Variants in TAF12 observed in about 807,000 individuals in gnomAD.
TAF12 encodes the protein transcription initiation factor TFIID subunit 12.
A neutral mutation model predicts 20.8 loss-of-function variants in TAF12; 3 were observed. The observed-to-expected ratio is 0.14, with a 90% CI of 0.07 to 0.37. The LOEUF (loss-of-function observed/expected upper bound fraction) is 0.37, where lower values mean the gene tolerates loss of function less well. TAF12 is among the 10% of genes least tolerant of loss of function. The pLI is 1.00. For synonymous variants in TAF12, 69 were observed against 70.2 expected (o/e 0.98, Z 0.09); for missense variants, 131 against 197.9 (o/e 0.66, Z 2.03).
intron 1 of TAF12, among the ~76,000 whole-genome samples, chr1:28,634,431 A>C (rs1325359220): frequency 6.6e-6 from 1 of 151,486 alleles, no homozygotes; most frequent in Admixed American, 6.6e-5. Flanking sequence ...AAAAAAAAAA[A>C]AAAAACCCCA....
At chr1:28,626,703 G>A (rs1341186472) in intron 1 of TAF12, among the ~76,000 whole-genome samples, 1 of 151,930 alleles carries the variant, frequency 6.6e-6, no homozygotes, top group Non-Finnish European at 1.5e-5. Flanking sequence ...GAGATCAGGA[G>A]TTCGAGACCG....
At chr1:28,606,832 C>T (rs1666683935) in intron 4 of TAF12, among the ~76,000 whole-genome samples, 1 of 152,206 alleles carries the variant, frequency 6.6e-6, no homozygotes, top group South Asian at 2.1e-4. Context: ...GACGCTGGCT[C>T]CCAGTTTCTT....
upstream of TAF12, chr1:28,643,140 G>C (rs1668096607): frequency 1.0e-6 from 1 of 984,626 alleles, no homozygotes; most frequent in Non-Finnish European, 1.2e-6. Flanking sequence ...CTTCCGGCCG[G>C]CGGGCGCGCG....
chr1:28,631,435 G>C (rs1351329171), intron 1 of TAF12, among the ~76,000 whole-genome samples: 1 of 152,032 alleles, frequency 6.6e-6, no homozygotes, highest in Non-Finnish European at 1.5e-5. Context: ...TGAGGCAGGA[G>C]AATCACCGAA....
At chr1:28,611,263 G>A (rs1215943319) in intron 4 of TAF12, among the ~76,000 whole-genome samples, 3 of 149,304 alleles carry the variant, frequency 2.0e-5, no homozygotes, top group African/African-American at 7.3e-5. Context: ...AGCAGAATGG[G>A]AGGGTTGGGA....
At chr1:28,614,271 A>T (rs192284599) in intron 3 of TAF12, among the ~76,000 whole-genome samples, 1 of 151,712 alleles carries the variant, frequency 6.6e-6, no homozygotes, top group African/African-American at 2.4e-5. Context: ...AAATAATAAC[A>T]AATAAATAGA....
chr1:28,642,422 C>T (rs895501113), intron 1 of TAF12, among the ~76,000 whole-genome samples: 1 of 152,126 alleles, frequency 6.6e-6, no homozygotes, highest in African/African-American at 2.4e-5. Flanking sequence ...TACTCACAGC[C>T]CTGTTCCGAG....
intron 3 of TAF12, among the ~76,000 whole-genome samples, chr1:28,617,049 G>A (rs954608752): frequency 6.6e-6 from 1 of 152,152 alleles, no homozygotes; most frequent in African/African-American, 2.4e-5. Flanking sequence ...GAACCCAGGA[G>A]GCGGAGGTTG....
intron 1 of TAF12, chr1:28,642,669 T>C: frequency 3.0e-6 from 3 of 985,560 alleles, no homozygotes; most frequent in Non-Finnish European, 3.6e-6. Flanking sequence ...CCGGAGCCTG[T>C]GTCTTCACGC....
At chr1:28,638,491 A>ATTTT (rs140717375) in intron 1 of TAF12, among the ~76,000 whole-genome samples, 5 of 95,274 alleles carry the variant, frequency 5.2e-5, no homozygotes, top group African/African-American at 1.2e-4. Flanking sequence ...GCCCGGCCTA[A>ATTTT]TTTTTTTTTT....
Position 28,604,500 on chromosome 1 carries a change from C to T in TAF12, c.450+872G>A, listed in dbSNP as rs182607272. On this transcript the variant is annotated intron_variant, in intron 5 of 5. Transcript: ENST00000373824. ...CAAATACCAATATTATGGCATTTGT[C>T]GACTAAATAAATAGGGCTGAAAATG... 4.5e-3 allele frequency among the ~76,000 whole-genome samples: 683 copies of T among 152,214 alleles called. 3 individuals are homozygous for T. The highest frequency in any genetic ancestry group is 6.4e-3 in the Non-Finnish European group (436 of 68,010).
At chr1:28,629,105 C>T (rs1667534320) in intron 1 of TAF12, among the ~76,000 whole-genome samples, 1 of 152,106 alleles carries the variant, frequency 6.6e-6, no homozygotes, top group Non-Finnish European at 1.5e-5. Context: ...CATACACAGA[C>T]ATACAGTTGT....
chr1:28,608,655 T>C (rs1410627868), intron 4 of TAF12, among the ~76,000 whole-genome samples: 2 of 150,980 alleles, frequency 1.3e-5, no homozygotes, highest in African/African-American at 4.9e-5. Context: ...ATCGGGAGGC[T>C]GAAGCAGGAG....
chr1:28,605,132 C>G (rs561020030), intron 5 of TAF12, among the ~76,000 whole-genome samples: 6 of 152,160 alleles, frequency 3.9e-5, no homozygotes, highest in Non-Finnish European at 5.9e-5. Context: ...TTAAGTGACA[C>G]TCAACAGAGT....
In TAF12 at chr1:28,633,441, TACA is replaced by T. The variant is rs1332384453; in HGVS notation, c.-85+9548_-85+9550del. Among the ~76,000 whole-genome samples, 49 of 150,116 alleles carry T rather than the reference TACA, an allele frequency of 3.3e-4. No homozygotes were observed. The East Asian group carries it at 9.8e-3, about 30-fold the overall frequency. ...CCTCAGCCTCCCAAAGTGCTGGGATTACAGGCATGAGACACTGTATCCAACCGA... is the reference window on the plus strand; with the variant it reads ...CCTCAGCCTCCCAAAGTGCTGGGATTGGCATGAGACACTGTATCCAACCGA... On this transcript the variant is annotated intron_variant, in intron 1 of 5. Coordinates refer to ENST00000373824, the MANE Select transcript of TAF12 (RefSeq NM_005644.4).
chr1:28,636,428 T>G (rs966836604), intron 1 of TAF12, among the ~76,000 whole-genome samples: 2 of 152,128 alleles, frequency 1.3e-5, no homozygotes, highest in African/African-American at 4.8e-5. Context: ...GTGCCACTTT[T>G]CAGCTGTATT....
chr1:28,605,026 A>G (rs1300934214), intron 5 of TAF12, among the ~76,000 whole-genome samples: 4 of 152,166 alleles, frequency 2.6e-5, no homozygotes, highest in African/African-American at 9.7e-5. Flanking sequence ...AGGACCATAT[A>G]TGGTGTTGCA....
chr1:28,609,003 ATGTG>A (rs1195902411), intron 4 of TAF12, among the ~76,000 whole-genome samples: 1 of 152,272 alleles, frequency 6.6e-6, no homozygotes, highest in East Asian at 1.9e-4. Flanking sequence ...ACATACATGT[ATGTG>A]TGTCTATTTA....
intron 1 of TAF12, among the ~76,000 whole-genome samples, chr1:28,639,709 T>C (rs1231939295): frequency 2.0e-5 from 3 of 152,156 alleles, no homozygotes; most frequent in African/African-American, 7.2e-5. Context: ...TTATATATAA[T>C]AGGCGCTTGC....
Sources: gnomAD v4.1 joint callset for allele counts (sites outside exome capture counted in the v4.1 genomes callset) on GRCh38, gnomAD v4.1.1 for gene constraint, MANE v1.5 for transcripts, NCBI Gene and HGNC (gene_info 2026-07-23, HGNC 2026-07-21) for gene names.